GRM5: variants seen among roughly 807,000 people sequenced by gnomAD.
The protein encoded by GRM5 is metabotropic glutamate receptor 5.
A neutral mutation model predicts 83.1 loss-of-function variants in GRM5; 19 were observed. The observed-to-expected ratio is 0.23, with a 90% CI of 0.16 to 0.34. GRM5 has a LOEUF of 0.34. GRM5 is among the 10% of genes least tolerant of loss of function. The probability of loss-of-function intolerance (pLI) is 1.00; values close to 1 mark genes in which losing one functional copy is unlikely to be tolerated. For missense variants in GRM5, 1,160 were observed against 1,588.3 expected, an observed-to-expected ratio of 0.73 and a Z score of 4.58; for synonymous variants, 675 against 633.6, an observed-to-expected ratio of 1.07 and a Z score of -0.98.
At chr11:88,561,308 A>G (rs1942749135) in intron 8 of GRM5, among the ~76,000 whole-genome samples, 1 of 152,188 alleles carries the variant, frequency 6.6e-6, no homozygotes, top group African/African-American at 2.4e-5. Flanking sequence ...TTAGTTAATT[A>G]AAACAGAAGT....
intron 8 of GRM5, among the ~76,000 whole-genome samples, chr11:88,549,644 G>A (rs917201138): frequency 2.0e-5 from 3 of 152,100 alleles, no homozygotes; most frequent in Admixed American, 2.0e-4. Flanking sequence ...TATATAGTAT[G>A]TGTTTGGAGG....
intron 2 of GRM5, among the ~76,000 whole-genome samples, chr11:88,993,901 T>A (rs1357415628): frequency 6.6e-6 from 1 of 152,110 alleles, no homozygotes; most frequent in Non-Finnish European, 1.5e-5. Context: ...GTTTTGACTT[T>A]TTGTAGTTAC....
At chr11:88,636,949 C>T (rs1432756631) in intron 4 of GRM5, among the ~76,000 whole-genome samples, 1 of 152,170 alleles carries the variant, frequency 6.6e-6, no homozygotes, top group Non-Finnish European at 1.5e-5. Flanking sequence ...GTTTTGGTTA[C>T]CGTAGCCTTG....
intron 3 of GRM5, among the ~76,000 whole-genome samples, chr11:88,812,418 G>C (rs915421074): frequency 3.3e-5 from 5 of 152,106 alleles, no homozygotes; most frequent in Admixed American, 2.6e-4. Context: ...ATTTATCATA[G>C]AGATAAAGCA....
intron 2 of GRM5, among the ~76,000 whole-genome samples, chr11:89,025,264 G>A (rs542157293): frequency 2.6e-5 from 4 of 152,162 alleles, no homozygotes; most frequent in Non-Finnish European, 4.4e-5. Flanking sequence ...GATCTGCCCT[G>A]GTGGCTGACA....
intron 3 of GRM5, among the ~76,000 whole-genome samples, chr11:88,726,050 C>G (rs1250190234): frequency 2.0e-5 from 3 of 152,118 alleles, no homozygotes; most frequent in Non-Finnish European, 4.4e-5. Context: ...GATGAACTGA[C>G]AGAAGTAGGC....
Position 88,506,809 on chromosome 11 carries a change from TCA to T in GRM5, c.*1781_*1782del, listed in dbSNP as rs1941194379. ...ATGCCAATGGACTGACTTCTATTTC[TCA>T]GTTTATTTTCTGTTAAGTAGATGTG... On this transcript the variant is annotated 3_prime_UTR_variant, in exon 10 of 10. Transcript: ENST00000305447. 6.6e-6 allele frequency: 1 copy of T among 152,154 alleles called. No homozygotes were observed. The highest frequency in any genetic ancestry group is 2.1e-4 in the South Asian group (1 of 4,824). 9.4% of individuals were successfully genotyped at this position (152,154 alleles called of 1,614,324 possible).
At chr11:88,555,683 T>A (rs1942609896) in intron 8 of GRM5, among the ~76,000 whole-genome samples, 1 of 152,188 alleles carries the variant, frequency 6.6e-6, no homozygotes. Context: ...CAGAATGTGC[T>A]GTCGTGATGC....
chr11:88,925,745 C>G, intron 2 of GRM5: 1 of 453,658 alleles, frequency 2.2e-6, no homozygotes, highest in Non-Finnish European at 4.4e-6. Flanking sequence ...AACCACAACT[C>G]TACTAAAAAT....
intron 2 of GRM5, among the ~76,000 whole-genome samples, chr11:89,032,682 TGTG>T (rs1363585874): frequency 6.6e-6 from 1 of 152,094 alleles, no homozygotes; most frequent in Non-Finnish European, 1.5e-5. Context: ...TTTTTTGAAA[TGTG>T]GTAATTTAGG....
At chr11:88,690,861 A>C (rs543178550) in intron 3 of GRM5, among the ~76,000 whole-genome samples, 4 of 152,220 alleles carry the variant, frequency 2.6e-5, no homozygotes, top group Non-Finnish European at 5.9e-5. Context: ...ATCCACATTC[A>C]ATTTCGACTT....
Position 88,796,708 on chromosome 11 carries a change from G to C in GRM5, c.911+53198C>G, listed in dbSNP as rs533760906. On this transcript the variant is annotated intron_variant, in intron 3 of 9. Coordinates refer to ENST00000305447, the MANE Select transcript of GRM5 (RefSeq NM_001143831.3). ...TCTTATAAATAGGCTAAAATGATTT[G>C]AACTTCATAAACTGATAAAAATGCT... 5.9e-5 allele frequency among the ~76,000 whole-genome samples: 9 copies of C among 152,152 alleles called. No homozygotes were observed. In the South Asian group the frequency reaches 1.9e-3, roughly 32 times the overall value.
At chr11:88,971,295 T>C (rs1939157408) in intron 2 of GRM5, among the ~76,000 whole-genome samples, 1 of 152,182 alleles carries the variant, frequency 6.6e-6, no homozygotes, top group Non-Finnish European at 1.5e-5. Context: ...TTTTAACTTT[T>C]ATTTTAGGTT....
intron 9 of GRM5, among the ~76,000 whole-genome samples, chr11:88,515,156 G>C (rs541319025): frequency 6.6e-6 from 1 of 152,242 alleles, no homozygotes; most frequent in South Asian, 2.1e-4. Context: ...TACTTCCCCT[G>C]AGTCCTCATA....
intron 7 of GRM5, among the ~76,000 whole-genome samples, chr11:88,574,391 T>C (rs1223246167): frequency 1.3e-5 from 2 of 152,096 alleles, no homozygotes; most frequent in African/African-American, 4.8e-5. Context: ...TTGAGTCTAG[T>C]TTCTGGAACC....
chr11:88,833,530 A>AATGTAAAT (rs150057898), intron 3 of GRM5, among the ~76,000 whole-genome samples: 3,867 of 152,204 alleles, frequency 0.025, 173 homozygotes, highest in African/African-American at 0.089. Flanking sequence ...TATTGGTAAA[A>AATGTAAAT]TTATACAGAC....
chr11:88,598,252 G>T (rs1409995660), intron 5 of GRM5, among the ~76,000 whole-genome samples: 2 of 152,098 alleles, frequency 1.3e-5, no homozygotes, highest in African/African-American at 4.8e-5. Context: ...CTCAGCATGT[G>T]TAGCTATCTG....
intron 2 of GRM5, among the ~76,000 whole-genome samples, chr11:88,858,850 G>C (rs1450342782): frequency 1.3e-5 from 2 of 152,012 alleles, no homozygotes; most frequent in African/African-American, 4.8e-5. Context: ...CTGGCTAAGA[G>C]AATAGAAGTC....
chr11:88,981,348 T>C (rs1939515571), intron 2 of GRM5, among the ~76,000 whole-genome samples: 1 of 152,222 alleles, frequency 6.6e-6, no homozygotes. Context: ...CATCAATATG[T>C]ACAAGTCTGT....
Sources: gnomAD v4.1 joint callset for allele counts (sites outside exome capture counted in the v4.1 genomes callset) on GRCh38, gnomAD v4.1.1 for gene constraint, MANE v1.5 for transcripts, NCBI Gene and HGNC (gene_info 2026-07-23, HGNC 2026-07-21) for gene names.